DPP10: variants seen among roughly 807,000 people sequenced by gnomAD.
DPP10 encodes the protein inactive dipeptidyl peptidase 10.
A neutral mutation model predicts 120.9 loss-of-function variants in DPP10; 33 were observed. The observed-to-expected ratio is 0.27, with a 90% CI of 0.21 to 0.37. The LOEUF is 0.37. Among genes scored for constraint, DPP10 ranks in the 10% least tolerant of loss-of-function variants. The pLI, the probability that DPP10 is intolerant of heterozygous loss-of-function variation, is 1.00. For missense variants in DPP10, 816 were observed against 942.8 expected, an observed-to-expected ratio of 0.87 and a Z score of 1.76; for synonymous variants, 337 against 326.1, an observed-to-expected ratio of 1.03 and a Z score of -0.36.
At position 115,148,311 on chromosome 2, in the gene DPP10, G is replaced by A. The variant is rs1183679457; in HGVS notation, c.61-160928G>A. ...CTCCATAAGGCAGAATGCAGGCTAA[G>A]TTGATACATATTTACAAGCATGGAA... On this transcript the variant is annotated intron_variant, in intron 1 of 25. Transcript: ENST00000410059. Among the ~76,000 whole-genome samples the A allele has an allele frequency of 4.6e-5, 7 of 152,284 alleles. No individual in the cohort carries two copies. In the East Asian group the frequency reaches 1.2e-3, roughly 25 times the overall value.
chr2:115,229,457 A>G (rs962305914), intron 1 of DPP10, among the ~76,000 whole-genome samples: 2 of 152,122 alleles, frequency 1.3e-5, no homozygotes, highest in Admixed American at 6.6e-5. Context: ...GCCAACTACA[A>G]TGTCCTGATT....
intron 1 of DPP10, among the ~76,000 whole-genome samples, chr2:115,278,296 G>A (rs886124867): frequency 3.3e-5 from 5 of 152,066 alleles, no homozygotes; most frequent in African/African-American, 1.2e-4. Context: ...TACCTTTGAT[G>A]TAAAGCTGTC....
intron 1 of DPP10, among the ~76,000 whole-genome samples, chr2:115,107,003 A>G (rs1359473582): frequency 6.7e-6 from 1 of 150,166 alleles, no homozygotes; most frequent in Non-Finnish European, 1.5e-5. Flanking sequence ...TGAACCCGGG[A>G]GGCGGAGCTT....
At chr2:114,504,725 C>T (rs1683486811) in intron 1 of DPP10, among the ~76,000 whole-genome samples, 1 of 152,102 alleles carries the variant, frequency 6.6e-6, no homozygotes, top group African/African-American at 2.4e-5. Context: ...CTTCCTCTAC[C>T]CTCTAAGGGT....
intron 3 of DPP10, among the ~76,000 whole-genome samples, chr2:115,384,628 GGAA>G (rs1159159040): frequency 1.5e-5 from 2 of 130,640 alleles, no homozygotes; most frequent in African/African-American, 6.0e-5. Flanking sequence ...AAGAAGAAGA[GGAA>G]GAAGAAAGAA....
chr2:115,212,384 T>G (rs994336203), intron 1 of DPP10, among the ~76,000 whole-genome samples: 1 of 152,192 alleles, frequency 6.6e-6, no homozygotes, highest in Admixed American at 6.6e-5. Context: ...GGGAACACAC[T>G]AGTCACTCAC....
intron 1 of DPP10, among the ~76,000 whole-genome samples, chr2:114,672,603 G>A (rs1469004692): frequency 2.0e-5 from 3 of 152,144 alleles, no homozygotes; most frequent in Non-Finnish European, 4.4e-5. Flanking sequence ...ATTGCTTTCT[G>A]GAAGACTCAA....
chr2:115,269,142 G>A (rs540227361), intron 1 of DPP10, among the ~76,000 whole-genome samples: 128 of 152,200 alleles, frequency 8.4e-4, no homozygotes, highest in Non-Finnish European at 1.2e-3. Context: ...GTGAGACTCC[G>A]TCTCAAAGAA....
intron 1 of DPP10, among the ~76,000 whole-genome samples, chr2:114,644,350 G>A (rs954949931): frequency 1.3e-5 from 2 of 151,338 alleles, no homozygotes; most frequent in African/African-American, 4.9e-5. Flanking sequence ...GTCTGTGTGT[G>A]TGTGTGTGTG....
At chr2:115,187,335 C>T (rs899799988) in intron 1 of DPP10, among the ~76,000 whole-genome samples, 3 of 151,932 alleles carry the variant, frequency 2.0e-5, no homozygotes, top group African/African-American at 4.8e-5. Flanking sequence ...CGCGCCCGGC[C>T]GGTGCAAAGA....
At chr2:114,621,413 A>G (rs1694082026) in intron 1 of DPP10, among the ~76,000 whole-genome samples, 1 of 152,074 alleles carries the variant, frequency 6.6e-6, no homozygotes, top group African/African-American at 2.4e-5. Context: ...TTTATCCACC[A>G]TGTAAGTCCC....
At chr2:115,434,118 G>C (rs1012319614) in intron 3 of DPP10, among the ~76,000 whole-genome samples, 1 of 151,932 alleles carries the variant, frequency 6.6e-6, no homozygotes, top group African/African-American at 2.4e-5. Context: ...ATGAGTAATG[G>C]TGGTAGTATA....
At chr2:115,327,226 T>G (rs1490648189) in intron 2 of DPP10, among the ~76,000 whole-genome samples, 1 of 152,080 alleles carries the variant, frequency 6.6e-6, no homozygotes, top group Non-Finnish European at 1.5e-5. Context: ...ATAGCATAGA[T>G]ATGCAGTAGA....
chr2:114,480,943 C>A (rs1367402867), intron 1 of DPP10, among the ~76,000 whole-genome samples: 1 of 151,342 alleles, frequency 6.6e-6, no homozygotes. Context: ...AAAAAGGAGC[C>A]TCTACTTAAA....
intron 1 of DPP10, among the ~76,000 whole-genome samples, chr2:115,151,963 TTTTC>T (rs747353387): frequency 6.6e-5 from 10 of 152,154 alleles, no homozygotes; most frequent in Admixed American, 3.9e-4. Context: ...ATGCTGTTTC[TTTTC>T]TTTCTAATTT....
chr2:115,335,780 A>G (rs1043229779), intron 2 of DPP10, among the ~76,000 whole-genome samples: 1 of 152,034 alleles, frequency 6.6e-6, no homozygotes, highest in Non-Finnish European at 1.5e-5. Context: ...GCATTAGAAG[A>G]CTATCCCATA....
At chr2:114,879,811 C>G (rs922374481) in intron 1 of DPP10, among the ~76,000 whole-genome samples, 1 of 152,118 alleles carries the variant, frequency 6.6e-6, no homozygotes, top group Non-Finnish European at 1.5e-5. Context: ...CACTTCCTCT[C>G]ACTGACAGGC....
intron 3 of DPP10, among the ~76,000 whole-genome samples, chr2:115,463,655 T>G (rs1171006662): frequency 3.3e-5 from 5 of 152,164 alleles, no homozygotes; most frequent in Admixed American, 6.5e-5. Context: ...ATATCATACT[T>G]TATTTTGGTC....
intron 1 of DPP10, among the ~76,000 whole-genome samples, chr2:115,220,409 A>G (rs557954224): frequency 1.8e-3 from 268 of 152,052 alleles, no homozygotes; most frequent in African/African-American, 5.8e-3. Context: ...GTTTAATACT[A>G]TCCTAAGAAA....
Sources: gnomAD v4.1 joint callset for allele counts (sites outside exome capture counted in the v4.1 genomes callset) on GRCh38, gnomAD v4.1.1 for gene constraint, MANE v1.5 for transcripts, NCBI Gene and HGNC (gene_info 2026-07-23, HGNC 2026-07-21) for gene names.